Variants in SLC12A7 observed in about 807,000 individuals in gnomAD.
SLC12A7 encodes the protein solute carrier family 12 member 7.
Under a neutral mutation model 120.6 loss-of-function variants are expected in SLC12A7, and 100 were observed. The observed-to-expected ratio is 0.83, with a 90% CI of 0.71 to 0.98. SLC12A7 has a LOEUF of 0.98. Ranked by LOEUF, SLC12A7 falls within the 50% of genes least tolerant of loss-of-function variation. The probability of loss-of-function intolerance (pLI) is 0.00; values close to 1 mark genes in which losing one functional copy is unlikely to be tolerated. For missense variants in SLC12A7, 1,373 were observed against 1,548.1 expected, an observed-to-expected ratio of 0.89 and a Z score of 1.90; for synonymous variants, 760 against 678.0, an observed-to-expected ratio of 1.12 and a Z score of -1.88.
chr5:1,110,222 A>G (rs1742892331), intron 1 of SLC12A7, among the ~76,000 whole-genome samples: 1 of 152,272 alleles, frequency 6.6e-6, no homozygotes, highest in Admixed American at 6.5e-5. Flanking sequence ...GTTCTCTGCC[A>G]GTTCGGAGAA....
At chr5:1,154,648 C>G in the SLC12A7 span, among the ~76,000 whole-genome samples, 41 of 152,322 alleles carry the variant, frequency 2.7e-4, no homozygotes, top group African/African-American at 8.4e-4. Flanking sequence ...TCTGGGCCAT[C>G]GCGTGTAAAG....
At chr5:1,136,442 ACAC>A in the SLC12A7 span, among the ~76,000 whole-genome samples, 1 of 131,066 alleles carries the variant, frequency 7.6e-6, no homozygotes, top group Non-Finnish European at 1.6e-5. Context: ...TCAGACACCA[ACAC>A]CAGGACACGC....
the SLC12A7 span, among the ~76,000 whole-genome samples, chr5:1,123,129 G>A: frequency 6.6e-6 from 1 of 152,178 alleles, no homozygotes; most frequent in Non-Finnish European, 1.5e-5. Context: ...GCACGCTCGG[G>A]CTCCCGGCAG....
chr5:1,112,084 G>T (rs1178314255), upstream of SLC12A7: 5 of 1,170,780 alleles, frequency 4.3e-6, no homozygotes, highest in South Asian at 4.3e-5. Context: ...GGCGGGGTCC[G>T]ACCGAGCCGC....
chr5:1,078,075 TC>T, intron 11 of SLC12A7, 68 bp from the exon 12 acceptor site: 1 of 1,489,236 alleles, frequency 6.7e-7, no homozygotes, highest in South Asian at 1.3e-5. Flanking sequence ...AAATGTCTTC[TC>T]CCACCCAGAG....
chr5:1,100,243 C>T (rs1023281398), intron 1 of SLC12A7, among the ~76,000 whole-genome samples: 3 of 152,226 alleles, frequency 2.0e-5, no homozygotes, highest in Admixed American at 1.3e-4. Flanking sequence ...GGGCTGGTAC[C>T]CTCCGCGCCG....
chr5:1,120,326 C>T, the SLC12A7 span, among the ~76,000 whole-genome samples: 780 of 152,320 alleles, frequency 5.1e-3, 10 homozygotes, highest in Middle Eastern at 0.02. Context: ...CGGCAGTGTC[C>T]GGATCACACG....
intron 1 of SLC12A7, among the ~76,000 whole-genome samples, chr5:1,108,693 G>A (rs1561115190): frequency 6.6e-6 from 1 of 152,228 alleles, no homozygotes; most frequent in African/African-American, 2.4e-5. Context: ...CAGCACGACC[G>A]GCGTGCACCG....
At chr5:1,142,272 C>T in the SLC12A7 span, among the ~76,000 whole-genome samples, 1 of 139,130 alleles carries the variant, frequency 7.2e-6, no homozygotes, top group East Asian at 2.3e-4. Context: ...CGTCTCCTGT[C>T]CCCTCTCTCC....
At chr5:1,057,351 C>T in intron 22 of SLC12A7, 120 bp downstream of exon 22, 1 of 1,041,678 alleles carries the variant, frequency 9.6e-7, no homozygotes, top group Non-Finnish European at 1.4e-6. Flanking sequence ...CTCTAACGGG[C>T]CCACTGGCCT....
chr5:1,052,701 C>T (rs535525591), intron 23 of SLC12A7, among the ~76,000 whole-genome samples: 5 of 152,246 alleles, frequency 3.3e-5, no homozygotes, highest in South Asian at 2.1e-4. Context: ...GCAGAGACAG[C>T]GACACAGCCC....
the SLC12A7 span, among the ~76,000 whole-genome samples, chr5:1,127,419 G>A: frequency 6.6e-6 from 1 of 152,352 alleles, no homozygotes; most frequent in Admixed American, 6.5e-5. Context: ...CAGACCCAGG[G>A]ATGCCTGGAG....
intron 1 of SLC12A7, among the ~76,000 whole-genome samples, chr5:1,111,568 C>T (rs1743010793): frequency 6.6e-6 from 1 of 152,142 alleles, no homozygotes; most frequent in Non-Finnish European, 1.5e-5. Flanking sequence ...GGGCTCCCTC[C>T]GGAGGCGCGC....
chr5:1,060,123 C>T (rs760640097), intron 21 of SLC12A7, among the ~76,000 whole-genome samples: 1 of 152,256 alleles, frequency 6.6e-6, no homozygotes, highest in Non-Finnish European at 1.5e-5. Context: ...CAGGCACCCG[C>T]ACGCCCAGGC....
In SLC12A7 at chr5:1,073,653, C is replaced by T; in HGVS notation, c.2221G>A (p.Glu741Lys). 6.2e-7 allele frequency: 1 copy of T among 1,604,838 alleles called. No individual in the cohort carries two copies. The highest frequency in any genetic ancestry group is 8.5e-7 in the Non-Finnish European group (1 of 1,176,350). Residue 741 changes from glutamate to lysine, a missense_variant, in exon 17 of 24, where the codon GAG (glutamate) becomes AAG (lysine). Coordinates refer to ENST00000264930, the MANE Select transcript of SLC12A7 (RefSeq NM_006598.3). The stretch of plus-strand genomic sequence containing the variant: ...CCCACCTCCTCGGCCCGCTGAGCCT[C>T]CATGTGCTTGTCCAGGTACGTCCCC... ...LEGTYLDKHM[E>K]AQRAEENIRS... is the part of the protein sequence containing the mutation.
intron 16 of SLC12A7, 25 bp from the exon 17 acceptor site, chr5:1,073,826 T>C (rs781681304): frequency 7.2e-7 from 1 of 1,390,654 alleles, no homozygotes; most frequent in South Asian, 1.8e-5. Flanking sequence ...GGGCGGCTGT[T>C]ACCACGGCAA....
Position 1,053,781 on chromosome 5 carries a change from C to T in SLC12A7, c.3027-299G>A, listed in dbSNP as rs112799413. 1.8e-3 allele frequency among the ~76,000 whole-genome samples: 269 copies of T among 152,336 alleles called. 2 individuals carry two copies. Among genetic ancestry groups the T allele is most frequent in the African/African-American group, 6.0e-3 (250 of 41,576 alleles). ...ACAGTCACACAACACAAACCGCAAG[C>T]GCTTTCCTAACTACATCTACATCTG... On this transcript the variant is annotated intron_variant, in intron 22 of 23. Transcript: ENST00000264930.
chr5:1,127,489 C>G, the SLC12A7 span, among the ~76,000 whole-genome samples: 1 of 152,210 alleles, frequency 6.6e-6, no homozygotes, highest in Admixed American at 6.5e-5. Context: ...GGGCGTGCAG[C>G]CCTGCCCACA....
chr5:1,088,771 G>T (rs1740165751), intron 4 of SLC12A7, among the ~76,000 whole-genome samples: 1 of 152,228 alleles, frequency 6.6e-6, no homozygotes, highest in African/African-American at 2.4e-5. Flanking sequence ...CCCGGACAGT[G>T]TGGCATCTCA....
Sources: gnomAD v4.1 joint callset for allele counts (sites outside exome capture counted in the v4.1 genomes callset) on GRCh38, gnomAD v4.1.1 for gene constraint, MANE v1.5 for transcripts, NCBI Gene and HGNC (gene_info 2026-07-23, HGNC 2026-07-21) for gene names.